The following NSUN3 variants were observed in gnomAD, a reference collection of about 807,000 sequenced individuals.
The protein encoded by NSUN3 is tRNA (cytosine(34)-C(5))-methyltransferase, mitochondrial.
In NSUN3, 24 loss-of-function variants were observed where a neutral mutation model predicts 36.8. The observed-to-expected ratio is 0.65, with a 90% CI of 0.47 to 0.92. The LOEUF (loss-of-function observed/expected upper bound fraction) is 0.92, where lower values mean the gene tolerates loss of function less well. Ranked by LOEUF, NSUN3 falls within the 40% of genes least tolerant of loss-of-function variation. The pLI is 0.00. For missense variants in NSUN3, 381 were observed against 392.8 expected (o/e 0.97, Z 0.25); for synonymous variants, 146 against 145.2 (o/e 1.01, Z -0.04).
chr3:94,113,785 G>A (rs1168174923), intron 5 of NSUN3, among the ~76,000 whole-genome samples: 3 of 152,138 alleles, frequency 2.0e-5, no homozygotes, highest in Non-Finnish European at 4.4e-5. Flanking sequence ...ATTGTTAAAT[G>A]AATTACCAAG....
chr3:94,065,390 C>T (rs1173664385), intron 2 of NSUN3, among the ~76,000 whole-genome samples: 1 of 152,104 alleles, frequency 6.6e-6, no homozygotes, highest in South Asian at 2.1e-4. Context: ...AACTAGGCCT[C>T]CTAGGTTGAG....
At chr3:94,088,914 C>T (rs1224986011) in intron 3 of NSUN3, among the ~76,000 whole-genome samples, 1 of 152,136 alleles carries the variant, frequency 6.6e-6, no homozygotes, top group Non-Finnish European at 1.5e-5. Flanking sequence ...GGCGATCCAC[C>T]GGCCTCGGCC....
chr3:94,092,421 C>T (rs891893677), intron 3 of NSUN3, among the ~76,000 whole-genome samples: 12 of 152,140 alleles, frequency 7.9e-5, no homozygotes, highest in Non-Finnish European at 1.5e-4. Flanking sequence ...TTCTGTCTTA[C>T]ATTGTTTTCT....
intron 5 of NSUN3, among the ~76,000 whole-genome samples, chr3:94,110,315 T>C (rs1486879007): frequency 6.6e-6 from 1 of 151,938 alleles, no homozygotes; most frequent in Non-Finnish European, 1.5e-5. Context: ...CTTTCATTGA[T>C]AGGAAGTTAT....
At chr3:94,075,302 A>G (rs894712272) in intron 2 of NSUN3, among the ~76,000 whole-genome samples, 3 of 152,172 alleles carry the variant, frequency 2.0e-5, no homozygotes, top group African/African-American at 7.2e-5. Flanking sequence ...GGAAAGAAAC[A>G]ACATGAAAAC....
intron 2 of NSUN3, among the ~76,000 whole-genome samples, chr3:94,078,869 G>C (rs532167240): frequency 1.3e-5 from 2 of 152,084 alleles, no homozygotes; most frequent in East Asian, 3.9e-4. Context: ...CACACTGCTG[G>C]GTCTTGACTC....
At chr3:94,109,406 C>T (rs2077406787) in intron 5 of NSUN3, among the ~76,000 whole-genome samples, 1 of 152,144 alleles carries the variant, frequency 6.6e-6, no homozygotes. Context: ...GTAAAATCTC[C>T]ACAAATGATA....
At chr3:94,083,675 G>T (rs1206244604) in intron 2 of NSUN3, among the ~76,000 whole-genome samples, 1 of 152,176 alleles carries the variant, frequency 6.6e-6, no homozygotes, top group South Asian at 2.1e-4. Context: ...CATTTGCCAT[G>T]CAGAAAATGT....
chr3:94,111,386 AAAT>A (rs1475128415), intron 5 of NSUN3, among the ~76,000 whole-genome samples: 1 of 152,082 alleles, frequency 6.6e-6, no homozygotes, highest in Non-Finnish European at 1.5e-5. Flanking sequence ...TAAATTTATA[AAAT>A]AATATTTTTC....
chr3:94,104,663 T>C (rs927129539), intron 5 of NSUN3, among the ~76,000 whole-genome samples: 2 of 152,196 alleles, frequency 1.3e-5, no homozygotes, highest in African/African-American at 4.8e-5. Flanking sequence ...CAGTTATATA[T>C]ACAGTGGAGA....
At chr3:94,110,820 G>A (rs1166936814) in intron 5 of NSUN3, among the ~76,000 whole-genome samples, 1 of 151,400 alleles carries the variant, frequency 6.6e-6, no homozygotes, top group Non-Finnish European at 1.5e-5. Context: ...ACATATATGT[G>A]TGTGTGTGTG....
intron 5 of NSUN3, among the ~76,000 whole-genome samples, chr3:94,101,777 T>C (rs1418080774): frequency 3.9e-5 from 6 of 152,174 alleles, no homozygotes; most frequent in African/African-American, 1.4e-4. Context: ...TACTATATAA[T>C]CAAATTCTTT....
chr3:94,088,958 C>G (rs1012666664), intron 3 of NSUN3, among the ~76,000 whole-genome samples: 3 of 152,202 alleles, frequency 2.0e-5, no homozygotes, highest in African/African-American at 7.2e-5. Context: ...CATGAGCCCC[C>G]ACGCCTGGCC....
intron 5 of NSUN3, among the ~76,000 whole-genome samples, chr3:94,099,974 A>G (rs548431727): frequency 6.6e-6 from 1 of 152,324 alleles, no homozygotes; most frequent in South Asian, 2.1e-4. Flanking sequence ...AATATGAAAT[A>G]AAAGGTTTTA....
In NSUN3 at chr3:94,129,729, TTATATA is replaced by T. The variant is rs1479963168; in HGVS notation, c.*3241_*3246del. Among the ~76,000 whole-genome samples, 1 of 151,570 alleles carries T rather than the reference TTATATA, an allele frequency of 6.6e-6. No individual in the cohort carries two copies. The highest frequency in any genetic ancestry group is 1.5e-5 in the Non-Finnish European group (1 of 67,892). On this transcript the variant is annotated 3_prime_UTR_variant, in exon 6 of 6. Transcript: ENST00000314622. ...GAGCATTGAATATTCTATAAATTGT[TTATATA>T]TGTTGTCTTTTTTTTTTTTTTTTTT... is the stretch of plus-strand genomic sequence containing the variant.
chr3:94,110,863 C>T (rs1234546100), intron 5 of NSUN3, among the ~76,000 whole-genome samples: 3 of 151,270 alleles, frequency 2.0e-5, no homozygotes, highest in African/African-American at 4.9e-5. Context: ...TTGACTCCTT[C>T]CTACTAGTTG....
At position 94,130,278 on chromosome 3, in the gene NSUN3, C is replaced by A. The variant is rs1161186373; in HGVS notation, c.*3788C>A. 2.0e-5 allele frequency among the ~76,000 whole-genome samples: 3 copies of A among 152,074 alleles called. No individual in the cohort carries two copies. Among genetic ancestry groups the A allele is most frequent in the Non-Finnish European group, 4.4e-5 (3 of 68,022 alleles). ...TTGGAAATACTTGCCTCTTGTAGAT[C>A]CAGCTTTAACATTTTTATGACATCC... On this transcript the variant is annotated 3_prime_UTR_variant, in exon 6 of 6. Coordinates refer to ENST00000314622, the MANE Select transcript of NSUN3 (RefSeq NM_022072.5).
intron 2 of NSUN3, among the ~76,000 whole-genome samples, chr3:94,073,695 A>T (rs183449261): frequency 2.8e-4 from 42 of 152,288 alleles, no homozygotes; most frequent in African/African-American, 9.9e-4. Flanking sequence ...GATTCTGGAT[A>T]TTAGCCCTTT....
chr3:94,085,251 A>G (rs2077287162), intron 3 of NSUN3: 1 of 152,224 alleles, frequency 6.6e-6, no homozygotes, highest in Non-Finnish European at 1.5e-5. Flanking sequence ...ACAAGTCAAC[A>G]TTTACAATTT....
Sources: gnomAD v4.1 joint callset for allele counts (sites outside exome capture counted in the v4.1 genomes callset) on GRCh38, gnomAD v4.1.1 for gene constraint, MANE v1.5 for transcripts, NCBI Gene and HGNC (gene_info 2026-07-23, HGNC 2026-07-21) for gene names.